The following EVL variants were observed in gnomAD, a reference collection of about 807,000 sequenced individuals.
EVL encodes the protein Enah/Vasp-like.
EVL carries 21 observed loss-of-function variants against 59.6 expected under a neutral mutation model. The ratio of observed to expected loss-of-function variants is 0.35; its 90% confidence interval spans 0.25 to 0.51. EVL has a LOEUF of 0.51. Ranked by LOEUF, EVL falls within the 20% of genes least tolerant of loss-of-function variation. The probability of loss-of-function intolerance (pLI) is 0.97; values close to 1 mark genes in which losing one functional copy is unlikely to be tolerated. For synonymous variants in EVL, 198 were observed against 203.5 expected (o/e 0.97, Z 0.23); for missense variants, 462 against 546.6 (o/e 0.85, Z 1.54).
At chr14:100,028,828 A>C (rs555485367) in intron 1 of EVL, among the ~76,000 whole-genome samples, 30 of 152,310 alleles carry the variant, frequency 2.0e-4, no homozygotes, top group African/African-American at 6.5e-4. Context: ...TCTATTCTTC[A>C]TTATTAAATA....
chr14:100,107,923 A>C (rs903157581), intron 3 of EVL: 2 of 152,236 alleles, frequency 1.3e-5, no homozygotes, highest in Admixed American at 6.5e-5. Flanking sequence ...AGAAAAAGGA[A>C]AACCCCATAG....
chr14:100,064,578 C>T (rs537451712), upstream of EVL, among the ~76,000 whole-genome samples: 47 of 152,320 alleles, frequency 3.1e-4, no homozygotes, highest in African/African-American at 9.1e-4. Context: ...GTTGTCTCCT[C>T]GGTAGAAGTA....
At chr14:100,043,537 G>C (rs1271518500) in intron 1 of EVL, among the ~76,000 whole-genome samples, 3 of 151,586 alleles carry the variant, frequency 2.0e-5, no homozygotes, top group Non-Finnish European at 4.4e-5. Context: ...CTGGAGTTCT[G>C]ATGTCCCAGG....
intron 9 of EVL, 118 bp from the exon 10 acceptor site, chr14:100,137,460 C>T: frequency 9.2e-7 from 1 of 1,083,650 alleles, no homozygotes; most frequent in Admixed American, 1.8e-5. Context: ...ACCTTCCTGC[C>T]ACGGGGCTCT....
At chr14:100,122,656 G>A (rs1887773516) in intron 3 of EVL, among the ~76,000 whole-genome samples, 1 of 152,200 alleles carries the variant, frequency 6.6e-6, no homozygotes, top group Non-Finnish European at 1.5e-5. Context: ...GGAGGTATGA[G>A]AGCAGCCTGC....
chr14:100,040,308 A>G (rs139901992), intron 1 of EVL, among the ~76,000 whole-genome samples: 10 of 152,222 alleles, frequency 6.6e-5, no homozygotes, highest in African/African-American at 1.9e-4. Flanking sequence ...CTTGTTCACA[A>G]TCTACCATGT....
intron 1 of EVL, among the ~76,000 whole-genome samples, chr14:99,975,617 T>A (rs112993843): frequency 0.024 from 3,691 of 152,302 alleles, 140 homozygotes; most frequent in African/African-American, 0.083. Context: ...TAGCTTCTCA[T>A]AAGGAGTGCA....
At chr14:99,971,769 A>G in exon 1 of EVL, 1 of 74,700 alleles carries the variant, frequency 1.3e-5, no homozygotes, top group South Asian at 5.0e-4. Flanking sequence ...GGCGGCCCCC[A>G]GGCACGCGCC....
At chr14:100,136,231 G>A (rs942537304) in intron 9 of EVL, among the ~76,000 whole-genome samples, 2 of 152,252 alleles carry the variant, frequency 1.3e-5, no homozygotes, top group Non-Finnish European at 1.5e-5. Context: ...CCTGAGTCCC[G>A]CACGAGAGAA....
exon 1 of EVL, chr14:99,971,734 G>GT (rs2060733392): frequency 2.1e-5 from 3 of 142,584 alleles, no homozygotes; most frequent in Admixed American, 2.1e-4. Context: ...CAGCCGGCTC[G>GT]CCCCCCGCCC....
intron 1 of EVL, among the ~76,000 whole-genome samples, chr14:99,991,431 G>A (rs542541233): frequency 1.9e-4 from 29 of 152,250 alleles, no homozygotes; most frequent in African/African-American, 6.0e-4. Context: ...CATCAGAATC[G>A]TCTATTTTAG....
chr14:100,142,880 C>T (rs979995838), intron 13 of EVL, among the ~76,000 whole-genome samples: 2 of 152,224 alleles, frequency 1.3e-5, no homozygotes, highest in African/African-American at 4.8e-5. Flanking sequence ...CCCACCACAG[C>T]CTCTCCACCT....
At chr14:100,074,283 C>G (rs1442856600) in intron 1 of EVL, among the ~76,000 whole-genome samples, 2 of 152,168 alleles carry the variant, frequency 1.3e-5, no homozygotes, top group South Asian at 2.1e-4. Flanking sequence ...TGACAGCTCT[C>G]CATGTGGACA....
At chr14:99,988,501 C>T (rs2060854576) in intron 1 of EVL, among the ~76,000 whole-genome samples, 1 of 152,148 alleles carries the variant, frequency 6.6e-6, no homozygotes, top group Non-Finnish European at 1.5e-5. Context: ...TAAAATGGTG[C>T]AGCTGCTTTG....
intron 1 of EVL, among the ~76,000 whole-genome samples, chr14:100,021,821 G>GT (rs2061129943): frequency 6.6e-6 from 1 of 152,184 alleles, no homozygotes; most frequent in African/African-American, 2.4e-5. Context: ...CAAAGGCAGG[G>GT]TGGAGGTACG....
chr14:100,122,494 T>G (rs1013492667), intron 3 of EVL, among the ~76,000 whole-genome samples: 1 of 152,236 alleles, frequency 6.6e-6, no homozygotes, highest in African/African-American at 2.4e-5. Flanking sequence ...TTCTGTTTCT[T>G]GAGAACAAGG....
chr14:100,041,533 G>A (rs1383503873), intron 1 of EVL, among the ~76,000 whole-genome samples: 2 of 152,338 alleles, frequency 1.3e-5, no homozygotes, highest in African/African-American at 2.4e-5. Flanking sequence ...CACTCTCTGA[G>A]CTTCAGATTT....
intron 1 of EVL, among the ~76,000 whole-genome samples, chr14:100,002,562 AT>A (rs2060952550): frequency 6.6e-6 from 1 of 152,238 alleles, no homozygotes. Flanking sequence ...GCCAAACAGC[AT>A]TTTATATTTG....
At chr14:100,007,050 C>A (rs932690059) in intron 1 of EVL, among the ~76,000 whole-genome samples, 2 of 152,014 alleles carry the variant, frequency 1.3e-5, no homozygotes, top group Non-Finnish European at 2.9e-5. Context: ...ATATCTGAGA[C>A]TGGTGTCAGT....
Sources: gnomAD v4.1 joint callset for allele counts (sites outside exome capture counted in the v4.1 genomes callset) on GRCh38, gnomAD v4.1.1 for gene constraint, MANE v1.5 for transcripts, NCBI Gene and HGNC (gene_info 2026-07-23, HGNC 2026-07-21) for gene names.